Variants in ITSN1 observed in about 807,000 individuals in gnomAD.
ITSN1 encodes intersectin-1.
Under a neutral mutation model 239.8 loss-of-function variants are expected in ITSN1, and 58 were observed. That is an observed-to-expected ratio of 0.24 (90% CI 0.20 to 0.30). ITSN1 has a LOEUF of 0.30. Among genes scored for constraint, ITSN1 ranks in the 10% least tolerant of loss-of-function variants. ITSN1 has a pLI of 1.00. For synonymous variants in ITSN1, 780 were observed against 770.8 expected (o/e 1.01, Z -0.20); for missense variants, 1,558 against 2,103.3 (o/e 0.74, Z 5.07).
intron 4 of ITSN1, among the ~76,000 whole-genome samples, chr21:33,725,336 A>T (rs756590696): frequency 2.0e-4 from 31 of 151,550 alleles, no homozygotes; most frequent in Non-Finnish European, 4.1e-4. Flanking sequence ...GGATTTCACC[A>T]TGTTGGTCAT....
At chr21:33,668,297 G>A (rs1039786584) in intron 1 of ITSN1, among the ~76,000 whole-genome samples, 3 of 152,182 alleles carry the variant, frequency 2.0e-5, no homozygotes, top group Non-Finnish European at 2.9e-5. Context: ...TTATTGAAAC[G>A]CAATTTGTCA....
intron 39 of ITSN1, 75 bp downstream of exon 39, chr21:33,886,535 G>A: frequency 7.6e-7 from 1 of 1,313,000 alleles, no homozygotes; most frequent in South Asian, 1.5e-5. Context: ...TTTCTTACCT[G>A]GGGACTTGGT....
intron 26 of ITSN1, chr21:33,829,000 A>G (rs1389863045): frequency 2.1e-6 from 1 of 471,280 alleles, no homozygotes; most frequent in Non-Finnish European, 4.4e-6. Context: ...AAAAGAAAGA[A>G]ATTTGCCCTG....
At chr21:33,710,122 G>A (rs916247176) in intron 1 of ITSN1, among the ~76,000 whole-genome samples, 10 of 144,340 alleles carry the variant, frequency 6.9e-5, no homozygotes, top group Admixed American at 4.3e-4. Context: ...TTTGTCACCC[G>A]GGCTGGAGTG....
At chr21:33,804,792 T>C (rs374950047) in intron 20 of ITSN1, among the ~76,000 whole-genome samples, 1 of 152,190 alleles carries the variant, frequency 6.6e-6, no homozygotes, top group African/African-American at 2.4e-5. Context: ...ATGGGCCACA[T>C]TGCAAGAATT....
At chr21:33,650,324 C>G (rs772652018) in intron 1 of ITSN1, among the ~76,000 whole-genome samples, 1 of 152,100 alleles carries the variant, frequency 6.6e-6, no homozygotes, top group East Asian at 1.9e-4. Context: ...TTAAGAAGGA[C>G]GCTGACTCTT....
At chr21:33,733,968 A>T (rs891654705) in intron 4 of ITSN1, among the ~76,000 whole-genome samples, 14 of 152,098 alleles carry the variant, frequency 9.2e-5, no homozygotes, top group Admixed American at 6.6e-4. Flanking sequence ...TCTTTGAGTT[A>T]ATTCCAGCTA....
intron 1 of ITSN1, among the ~76,000 whole-genome samples, chr21:33,682,581 T>C (rs975759394): frequency 6.6e-6 from 1 of 152,154 alleles, no homozygotes; most frequent in Non-Finnish European, 1.5e-5. Context: ...GCTGGAAGAA[T>C]ACAGTGGCAC....
intron 19 of ITSN1, among the ~76,000 whole-genome samples, chr21:33,801,511 A>G (rs1224769419): frequency 6.6e-6 from 1 of 152,016 alleles, no homozygotes; most frequent in Non-Finnish European, 1.5e-5. Context: ...CACCTAGGCC[A>G]GAGTGCAGTG....
chr21:33,777,530 G>C (rs552937028), intron 14 of ITSN1, among the ~76,000 whole-genome samples: 2 of 152,102 alleles, frequency 1.3e-5, no homozygotes, highest in South Asian at 4.1e-4. Flanking sequence ...AAATCAATTT[G>C]GGAAGATTTG....
chr21:33,775,889 T>A (rs1038106676), intron 14 of ITSN1, among the ~76,000 whole-genome samples: 1 of 152,236 alleles, frequency 6.6e-6, no homozygotes, highest in African/African-American at 2.4e-5. Flanking sequence ...AAAGTTGTTA[T>A]AATATCACCT....
At position 33,829,893 on chromosome 21, in the gene ITSN1, G is replaced by C. The variant is rs558924476; in HGVS notation, c.3351+148G>C. ...TAGTGAGAGATGCCAAATTTTCTGTGTTTGTTTGGTTCCTAAGTTTCAGAC... is the reference window on the plus strand; with the variant it reads ...TAGTGAGAGATGCCAAATTTTCTGTCTTTGTTTGGTTCCTAAGTTTCAGAC... On this transcript the variant is annotated intron_variant, in intron 27 of 39. Coordinates refer to ENST00000381318, the MANE Select transcript of ITSN1 (RefSeq NM_003024.3). 1.6e-4 allele frequency: 135 copies of C among 870,716 alleles called. 2 individuals carry two copies. The South Asian group carries it at 2.2e-3, about 14-fold the overall frequency. 53.9% of individuals were successfully genotyped at this position (870,716 alleles called of 1,614,324 possible).
chr21:33,663,064 T>G (rs2089679005), intron 1 of ITSN1, among the ~76,000 whole-genome samples: 1 of 152,222 alleles, frequency 6.6e-6, no homozygotes. Flanking sequence ...TATAGACACA[T>G]CTCAGGCATT....
intron 1 of ITSN1, among the ~76,000 whole-genome samples, chr21:33,678,418 AAGCTCCC>A (rs1481969731): frequency 3.9e-5 from 6 of 152,162 alleles, no homozygotes; most frequent in African/African-American, 1.4e-4. Flanking sequence ...TCGAGAATGT[AAGCTCCC>A]AGAGGACACT....
intron 34 of ITSN1, among the ~76,000 whole-genome samples, chr21:33,875,880 G>A (rs558440873): frequency 6.6e-4 from 100 of 152,184 alleles, no homozygotes; most frequent in African/African-American, 2.3e-3. Context: ...GGGGTTTCCC[G>A]TGTTGGCCAG....
chr21:33,890,750 A>T lies in ITSN1; in HGVS notation c.*2450A>T, dbSNP rs1023754156. ...TTCTTGACCACCTGGGCTATATTTC[A>T]TAGAAATTAAATGCTCCTTGCCAAC... is the stretch of plus-strand genomic sequence containing the variant. On this transcript the variant is annotated 3_prime_UTR_variant, in exon 40 of 40. Transcript: ENST00000381318. The T allele has an allele frequency of 6.6e-6, 1 of 152,070 alleles. No individual in the cohort carries two copies. Among genetic ancestry groups the T allele is most frequent in the Non-Finnish European group, 1.5e-5 (1 of 68,018 alleles). 9.4% of individuals were successfully genotyped at this position (152,070 alleles called of 1,614,324 possible). A position where few individuals can be genotyped will look rare whatever the true frequency, so the allele number is the denominator to read the frequency against.
At chr21:33,794,507 C>CT in intron 17 of ITSN1, 39 bp downstream of exon 17, 5 of 1,576,530 alleles carry the variant, frequency 3.2e-6, no homozygotes, top group Non-Finnish European at 4.3e-6. Flanking sequence ...CTGGAAGGAA[C>CT]TTTGAGGATT....
At chr21:33,884,553 A>G (rs962781522) in intron 36 of ITSN1, among the ~76,000 whole-genome samples, 40 of 152,228 alleles carry the variant, frequency 2.6e-4, no homozygotes, top group Admixed American at 1.3e-4. Context: ...GCTTTTGTGC[A>G]TATGGTTCTC....
intron 1 of ITSN1, among the ~76,000 whole-genome samples, chr21:33,690,316 C>T (rs1157986560): frequency 7.5e-5 from 11 of 147,058 alleles, no homozygotes; most frequent in African/African-American, 2.3e-4. Context: ...ATAAGCCAGG[C>T]GTGGCCCGGT....
Sources: gnomAD v4.1 joint callset for allele counts (sites outside exome capture counted in the v4.1 genomes callset) on GRCh38, gnomAD v4.1.1 for gene constraint, MANE v1.5 for transcripts, NCBI Gene and HGNC (gene_info 2026-07-23, HGNC 2026-07-21) for gene names.